PPFIA4: variants seen among roughly 807,000 people sequenced by gnomAD.
The protein encoded by PPFIA4 is liprin-alpha-4.
Under a neutral mutation model 145.7 loss-of-function variants are expected in PPFIA4, and 98 were observed. The observed-to-expected ratio is 0.67, with a 90% confidence interval of 0.57 to 0.80. The LOEUF is 0.80. Ranked by LOEUF, PPFIA4 falls within the 30% of genes least tolerant of loss-of-function variation. The pLI, the probability that PPFIA4 is intolerant of heterozygous loss-of-function variation, is 0.00. For missense variants in PPFIA4, 1,457 were observed against 1,632.7 expected (o/e 0.89, Z 1.85); for synonymous variants, 628 against 649.6 (o/e 0.97, Z 0.51).
At position 203,060,376 on chromosome 1, in the gene PPFIA4, G is replaced by C; in HGVS notation, c.2743G>C (p.Val915Leu). 1 of 1,613,938 alleles carries C rather than the reference G, an allele frequency of 6.2e-7. No individual in the cohort carries two copies. The highest frequency in any genetic ancestry group is 8.5e-7 in the Non-Finnish European group (1 of 1,179,900). ...GCTCCGCCTGGCCATTCAGGAGATG[G>C]TGTCATTGACCAGCCCCTCTGCCCC... ...LKLRLAIQEM[V>L]SLTSPSAPPT... The change falls in exon 22 of 30, where the codon GTG becomes CTG. Residue 915 changes from valine to leucine, a missense_variant. Physicochemically the swap from Val to Leu is conservative, Grantham distance 32 (BLOSUM62 1). Coordinates refer to ENST00000295706, the MANE Select transcript of PPFIA4 (RefSeq NM_001304331.2). This position sits in a 1 kb window ranked among gnomAD's most constrained non-coding sequence, Gnocchi z 4.8.
rs1331510534 is a variant in PPFIA4 at position 203,077,889 on chromosome 1, G to C, written c.*1499G>C. Reference sequence around the variant, plus strand: ...AAAAGCATCTGGCATGTGTTTCTTGGATAGGGGCCAGTGCAGTGCCATCCT... The same window carrying C: ...AAAAGCATCTGGCATGTGTTTCTTGCATAGGGGCCAGTGCAGTGCCATCCT... On this transcript the variant is annotated 3_prime_UTR_variant, in exon 30 of 30. Coordinates refer to ENST00000295706, the MANE Select transcript of PPFIA4 (RefSeq NM_001304331.2). 1 of 152,262 alleles carries C rather than the reference G, an allele frequency of 6.6e-6. No individual in the cohort carries two copies. Among genetic ancestry groups the C allele is most frequent in the East Asian group, 1.9e-4 (1 of 5,200 alleles). 9.4% of individuals were successfully genotyped at this position (152,262 alleles called of 1,614,324 possible).
chr1:203,075,640 C>T lies in PPFIA4; in HGVS notation c.3457C>T (p.His1153Tyr), dbSNP rs1450780281. 1.1e-5 allele frequency: 17 copies of T among 1,500,532 alleles called. No individual in the cohort carries two copies. In the Admixed American group the frequency reaches 3.8e-4, roughly 34 times the overall value. The allele number at this position is 1,500,532 out of a possible 1,614,324, so 93.0% of individuals were successfully genotyped here. Residue 1153 changes from histidine to tyrosine, a missense_variant, in exon 29 of 30, where the codon CAC becomes TAC. Transcript: ENST00000295706. The surrounding 1 kb of genome is among the most constrained non-coding windows in gnomAD (Gnocchi z 4.1). ...GAAGCGCTTCCGGCCGCGGGAGCAC[C>T]ACGGTCGCGGCGGCATGCTCAGCGC... ...WRKRFRPREH[H>Y]GRGGMLSASA...
intron 25 of PPFIA4, 106 bp from the exon 26 acceptor site, chr1:203,067,589 T>C: frequency 1.1e-6 from 1 of 933,298 alleles, no homozygotes; most frequent in South Asian, 1.4e-5. Flanking sequence ...CTCTTTGTGC[T>C]GGAGGCAGTA....
Position 203,048,876 on chromosome 1 carries a change from G to A in PPFIA4, c.1357-42G>A. On this transcript the variant is annotated intron_variant, in intron 11 of 29. Transcript: ENST00000295706. The surrounding 1 kb of genome is among the most constrained non-coding windows in gnomAD (Gnocchi z 5.8). ...ACCCAGAGGCTCAGGTCTGGAATGG[G>A]AGAGGAAGGCAGGGGCCTGGCTCAC... 4.5e-6 allele frequency: 7 copies of A among 1,545,288 alleles called. No homozygotes were observed. Among genetic ancestry groups the A allele is most frequent in the Non-Finnish European group, 5.2e-6 (6 of 1,144,680 alleles).
intron 19 of PPFIA4, 42 bp downstream of exon 19, chr1:203,056,992 G>A (rs756333991): frequency 6.2e-7 from 1 of 1,607,466 alleles, no homozygotes; most frequent in South Asian, 1.1e-5. Context: ...CGGGCATTGG[G>A]GCATCAGAAG....
chr1:203,076,408 G>A lies in PPFIA4; in HGVS notation c.*18G>A. On this transcript the variant is annotated 3_prime_UTR_variant, in exon 30 of 30. Coordinates refer to ENST00000295706, the MANE Select transcript of PPFIA4 (RefSeq NM_001304331.2). ...GGGACTAGCCATGGCCCCCAGGGCT[G>A]GCTTCCTCCTTCTGGGTTTCACAGG... 4.4e-6 allele frequency: 7 copies of A among 1,606,758 alleles called. No individual in the cohort carries two copies. The highest frequency in any genetic ancestry group is 5.9e-6 in the Non-Finnish European group (7 of 1,178,268).
rs755973822 is a variant in PPFIA4 at position 203,063,834 on chromosome 1, G to T, written c.2881G>T (p.Ala961Ser). ...SEEGSWAQTL[A>S]YGDMNHEWIG... ...CTGCATCTCATTTCCCTAGACCCTG[G>T]CCTATGGGGACATGAACCATGAGTG... Residue 961 changes from alanine to serine, a missense_variant, in exon 25 of 30, where the codon GCC (alanine) becomes TCC (serine). Physicochemically the swap from Ala to Ser is moderately conservative, Grantham distance 99. Transcript: ENST00000295706. 6.2e-7 allele frequency: 1 copy of T among 1,613,926 alleles called. No individual in the cohort carries two copies. The highest frequency in any genetic ancestry group is 8.5e-7 in the Non-Finnish European group (1 of 1,179,882).
At chr1:203,059,128 G>A in intron 19 of PPFIA4, 50 bp from the exon 20 acceptor site, 1 of 1,402,354 alleles carries the variant, frequency 7.1e-7, no homozygotes. Context: ...ATCCAGGCAA[G>A]GGAGGAGAGG....
At chr1:203,032,391 TG>T (rs1303338949) in intron 1 of PPFIA4, among the ~76,000 whole-genome samples, 4 of 150,586 alleles carry the variant, frequency 2.7e-5, no homozygotes, top group Non-Finnish European at 5.9e-5. Context: ...TATTTGCGGA[TG>T]GGGGCCCAGA....
Position 203,060,313 on chromosome 1 carries a change from C to T in PPFIA4, c.2680C>T (p.Arg894Trp), listed in dbSNP as rs376273813. Residue 894 changes from arginine (R) to tryptophan (W), a missense_variant, in exon 22 of 30, where the codon CGG (arginine) becomes TGG (tryptophan). Around this residue, in one of 3 missense-constraint regions of PPFIA4, gnomAD observed 848 missense variants for 1,046.7 expected, o/e 0.81. Coordinates refer to ENST00000295706, the MANE Select transcript of PPFIA4 (RefSeq NM_001304331.2). The surrounding 1 kb of genome is among the most constrained non-coding windows in gnomAD (Gnocchi z 4.8). Reference protein sequence around the residue: ...MSALSDTEIQREIGISNALHR... With the variant: ...MSALSDTEIQWEIGISNALHR... ...CGCTCTGTCGGACACAGAGATCCAGCGGGAGATCGGCATCAGCAATGCCCT... is the reference window on the plus strand; with the variant it reads ...CGCTCTGTCGGACACAGAGATCCAGTGGGAGATCGGCATCAGCAATGCCCT... The T allele has an allele frequency of 8.1e-6, 13 of 1,614,064 alleles. No individual in the cohort carries two copies. Among genetic ancestry groups the T allele is most frequent in the East Asian group, 2.2e-5 (1 of 44,878 alleles).
chr1:203,029,088 G>C (rs145509578), intron 1 of PPFIA4, among the ~76,000 whole-genome samples: 1 of 152,254 alleles, frequency 6.6e-6, no homozygotes, highest in Non-Finnish European at 1.5e-5. Flanking sequence ...AACAGCAGTG[G>C]GGGAAGGAGC....
chr1:203,054,169 C>G lies in PPFIA4; in HGVS notation c.1829+208C>G, dbSNP rs529598109. On this transcript the variant is annotated intron_variant, in intron 15 of 29. Transcript: ENST00000295706. ...GTGGACTTCTCAGGCTTCACCTCCCCTCTCAGGGCTTGCGATGTGGCTGGG... is the reference window on the plus strand; with the variant it reads ...GTGGACTTCTCAGGCTTCACCTCCCGTCTCAGGGCTTGCGATGTGGCTGGG... 18 of 708,292 alleles carry G rather than the reference C, an allele frequency of 2.5e-5. 1 individual carries two copies. The highest frequency in any genetic ancestry group is 3.4e-4 in the Middle Eastern group (1 of 2,964). The allele number at this position is 708,292 out of a possible 1,614,324, so 43.9% of individuals were successfully genotyped here.
intron 1 of PPFIA4, among the ~76,000 whole-genome samples, chr1:203,030,372 G>A (rs570336342): frequency 5.6e-4 from 85 of 152,320 alleles, no homozygotes; most frequent in African/African-American, 2.0e-3. Context: ...GTGGAGGCCT[G>A]GGGAGTGGGG....
intron 8 of PPFIA4, 59 bp downstream of exon 8, chr1:203,046,046 T>C: frequency 6.2e-7 from 1 of 1,607,072 alleles, no homozygotes; most frequent in South Asian, 1.1e-5. Flanking sequence ...GGTGTCCTCG[T>C]GAACCTACTG....
chr1:203,045,286 C>A, intron 6 of PPFIA4, 82 bp from the exon 7 acceptor site: 1 of 1,265,978 alleles, frequency 7.9e-7, no homozygotes, highest in Non-Finnish European at 1.1e-6. Flanking sequence ...GTGTGCTGTT[C>A]CTCCTTCCAC....
intron 23 of PPFIA4, 102 bp from the exon 24 acceptor site, chr1:203,061,550 A>G: frequency 8.3e-7 from 1 of 1,204,724 alleles, no homozygotes; most frequent in Non-Finnish European, 1.1e-6. Flanking sequence ...CCAGCCAGAT[A>G]CTGGGATGTC....
chr1:203,053,950 T>C lies in PPFIA4; in HGVS notation c.1818T>C (p.Asn606=). 1 of 1,564,112 alleles carries C rather than the reference T, an allele frequency of 6.4e-7. No homozygotes were observed. The highest frequency in any genetic ancestry group is 1.2e-5 in the South Asian group (1 of 84,876). Residue 606 remains asparagine (N), a synonymous_variant, in exon 15 of 30, where the codon AAT becomes AAC. Transcript: ENST00000295706. ...TGCAGGAGCAGCTGGATGCCATCAATGAGGAAATCAGGTTAGGGCAGGGCT... is the reference window on the plus strand; with the variant it reads ...TGCAGGAGCAGCTGGATGCCATCAACGAGGAAATCAGGTTAGGGCAGGGCT... ...MMLQEQLDAI[N]EEIRMIQEEK...
intron 27 of PPFIA4, among the ~76,000 whole-genome samples, chr1:203,069,487 G>A (rs1328901368): frequency 6.6e-6 from 1 of 152,190 alleles, no homozygotes; most frequent in East Asian, 1.9e-4. Flanking sequence ...CTCTCCAGAC[G>A]GAGTGTTCTT....
chr1:203,071,814 A>G, intron 28 of PPFIA4, 54 bp downstream of exon 28: 1 of 1,445,484 alleles, frequency 6.9e-7, no homozygotes, highest in South Asian at 1.2e-5. Flanking sequence ...TCTTCGTTGG[A>G]TTGAGGTTCA....
Sources: allele counts gnomAD v4.1 joint callset (sites outside exome capture counted in the v4.1 genomes callset), GRCh38; gene constraint gnomAD v4.1.1; regional missense constraint gnomAD v4.1.1; non-coding constraint Gnocchi (gnomAD v3.1); transcripts MANE v1.5; gene names NCBI Gene and HGNC (gene_info 2026-07-23, HGNC 2026-07-21).